ERP27: variants seen among roughly 807,000 people sequenced by gnomAD.
ERP27 encodes the protein endoplasmic reticulum protein 27, also known as endoplasmic reticulum resident protein 27.
Under a neutral mutation model 27.7 loss-of-function variants are expected in ERP27, and 23 were observed. The observed-to-expected ratio is 0.83, with a 90% CI of 0.60 to 1.18. The LOEUF (loss-of-function observed/expected upper bound fraction) is 1.18, where lower values mean the gene tolerates loss of function less well. Ranked by LOEUF, ERP27 falls within the 50% of genes most tolerant of loss-of-function variation. ERP27 has a pLI of 0.00. For synonymous variants in ERP27, 159 were observed against 118.3 expected (o/e 1.34, Z -2.23); for missense variants, 363 against 327.9 (o/e 1.11, Z -0.83).
chr12:14,917,489 C>T (rs1047380465), intron 4 of ERP27, among the ~76,000 whole-genome samples, 186 bp from the exon 5 acceptor site: 1 of 122,150 alleles, frequency 8.2e-6, no homozygotes, highest in African/African-American at 3.1e-5. Context: ...TGTGTAGATC[C>T]TTCCTTCCCA....
At position 14,914,731 on chromosome 12, in the gene ERP27, G is replaced by C. The variant is rs374765657; in HGVS notation, c.*4C>G. ...ACTTGGCCATATGTAGTTCCAAGGA[G>C]AAGTCAGAGTTCCACCTTTGGAGTC... On this transcript the variant is annotated 3_prime_UTR_variant, in exon 7 of 7. Coordinates refer to ENST00000266397, the MANE Select transcript of ERP27 (RefSeq NM_152321.4). 79 of 1,612,788 alleles carry C rather than the reference G, an allele frequency of 4.9e-5. No homozygotes were observed. The highest frequency in any genetic ancestry group is 6.2e-5 in the Non-Finnish European group (73 of 1,179,440).
Position 14,915,573 on chromosome 12 carries a change from G to C in ERP27, c.690C>G (p.Asp230Glu). ...CTGCTGTGGGCAGTGTATCCCACTC[G>C]TCATCTAGAGTCTGGTAAATTGCCA... Reference protein sequence around the residue: ...PALAIYQTLDDEWDTLPTAEV... With the variant: ...PALAIYQTLDEEWDTLPTAEV... Residue 230 changes from aspartate (D) to glutamate (E), a missense_variant, in exon 6 of 7, where the codon GAC becomes GAG. Transcript: ENST00000266397. 1 of 1,614,180 alleles carries C rather than the reference G, an allele frequency of 6.2e-7. No homozygotes were observed. The highest frequency in any genetic ancestry group is 8.5e-7 in the Non-Finnish European group (1 of 1,180,032).
At chr12:14,920,364 T>C (rs1396444293) in intron 4 of ERP27, among the ~76,000 whole-genome samples, 1 of 152,216 alleles carries the variant, frequency 6.6e-6, no homozygotes, top group Non-Finnish European at 1.5e-5. Context: ...TGTTTGTTAC[T>C]GGTCTGCAAG....
At chr12:14,938,111 A>C in intron 1 of ERP27, 59 bp from the exon 2 acceptor site, 5 of 1,379,628 alleles carry the variant, frequency 3.6e-6, no homozygotes, top group Non-Finnish European at 5.2e-6. Context: ...GCTCTAAATA[A>C]TGAGGGCATC....
intron 3 of ERP27, among the ~76,000 whole-genome samples, chr12:14,923,551 C>A (rs1250183877): frequency 6.7e-6 from 1 of 149,786 alleles, no homozygotes; most frequent in Non-Finnish European, 1.5e-5. Context: ...TACCTATCTC[C>A]TGTTGGTTCT....
At chr12:14,931,110 A>G (rs2120610076) in intron 3 of ERP27, among the ~76,000 whole-genome samples, 1 of 152,250 alleles carries the variant, frequency 6.6e-6, no homozygotes, top group East Asian at 1.9e-4. Flanking sequence ...GACATCTGTT[A>G]CTTCACAGTT....
In ERP27 at chr12:14,914,578, G is replaced by GTGCA. The variant is rs1555097431; in HGVS notation, c.*156_*157insTGCA. On this transcript the variant is annotated 3_prime_UTR_variant, in exon 7 of 7. Transcript: ENST00000266397. ...AAGCTCTGTGTGTGTGTGTGTGTGT[G>GTGCA]CGTGTGTGTGTGCACGCGTGCGTGC... 2.1e-5 allele frequency: 10 copies of GTGCA among 468,036 alleles called. No individual in the cohort carries two copies. Among genetic ancestry groups the GTGCA allele is most frequent in the East Asian group, 3.2e-5 (1 of 30,790 alleles). The allele number at this position is 468,036 out of a possible 1,614,324, so 29.0% of individuals were successfully genotyped here.
At chr12:14,937,024 G>C (rs1357316101) in intron 2 of ERP27, among the ~76,000 whole-genome samples, 1 of 152,156 alleles carries the variant, frequency 6.6e-6, no homozygotes, top group Non-Finnish European at 1.5e-5. Flanking sequence ...GGAATTGCTG[G>C]AGGATAAAAT....
At chr12:14,917,142 T>A in intron 5 of ERP27, 36 bp downstream of exon 5, 1 of 1,613,030 alleles carries the variant, frequency 6.2e-7, no homozygotes. Flanking sequence ...GTCCTGGAGG[T>A]GTGTATGCAA....
intron 3 of ERP27, among the ~76,000 whole-genome samples, chr12:14,929,533 G>A (rs1863665638): frequency 1.3e-5 from 2 of 152,052 alleles, no homozygotes; most frequent in South Asian, 4.1e-4. Context: ...CTTTTAAAAT[G>A]TCTTTTTTCA....
chr12:14,929,718 CCAAT>C (rs1565452822), intron 3 of ERP27, among the ~76,000 whole-genome samples: 1 of 152,050 alleles, frequency 6.6e-6, no homozygotes, highest in Non-Finnish European at 1.5e-5. Context: ...CTACATCATA[CCAAT>C]CACTCATTTT....
At chr12:14,928,812 G>A in intron 3 of ERP27, 1 of 830,160 alleles carries the variant, frequency 1.2e-6, no homozygotes, top group Admixed American at 2.3e-5. Context: ...GTCTTAGGTA[G>A]ATCCTTGCCC....
At position 14,938,068 on chromosome 12, in the gene ERP27, G is replaced by A; in HGVS notation, c.95-16C>T. On this transcript the variant is annotated splice_polypyrimidine_tract_variant and intron_variant, in intron 1 of 6. Transcript: ENST00000266397. ...CCAGGACCATCTAGAGAGAGAAGCA[G>A]AAGATGTCAGGGTACTGAGGCAAGA... is the stretch of plus-strand genomic sequence containing the variant. The A allele has an allele frequency of 6.2e-7, 1 of 1,604,128 alleles. No individual in the cohort carries two copies. Among genetic ancestry groups the A allele is most frequent in the South Asian group, 1.1e-5 (1 of 90,882 alleles).
At chr12:14,920,831 C>T (rs1033337197) in intron 4 of ERP27, 101 bp downstream of exon 4, 23 of 842,442 alleles carry the variant, frequency 2.7e-5, no homozygotes, top group African/African-American at 1.4e-4. Context: ...TTGTATTGGT[C>T]GAAGAATTGG....
chr12:14,933,049 G>T (rs1457956076), intron 3 of ERP27, among the ~76,000 whole-genome samples: 2 of 152,178 alleles, frequency 1.3e-5, no homozygotes, highest in African/African-American at 4.8e-5. Flanking sequence ...ATATGCAAAA[G>T]AATTGTACTT....
chr12:14,928,901 A>G (rs1168264602), intron 3 of ERP27: 3 of 1,522,852 alleles, frequency 2.0e-6, no homozygotes, highest in Non-Finnish European at 2.6e-6. Flanking sequence ...CACACAAAAA[A>G]ATAATATTTG....
At chr12:14,929,432 A>T (rs1358139443) in intron 3 of ERP27, among the ~76,000 whole-genome samples, 1 of 152,232 alleles carries the variant, frequency 6.6e-6, no homozygotes, top group Non-Finnish European at 1.5e-5. Flanking sequence ...TGGAAGCAAC[A>T]TTTGAACAGG....
At position 14,930,732 on chromosome 12, in the gene ERP27, C is replaced by T. The variant is rs147484648; in HGVS notation, c.333+4124G>A. The stretch of plus-strand genomic sequence containing the variant: ...GTTGCATAAATACAGCACTGGCTGG[C>T]CTTTTATTGCTCCAACATTTCAAGC... On this transcript the variant is annotated intron_variant, in intron 3 of 6. Transcript: ENST00000266397. Among the ~76,000 whole-genome samples, 17 of 152,204 alleles carry T rather than the reference C, an allele frequency of 1.1e-4. No individual in the cohort carries two copies. The East Asian group carries it at 2.5e-3, about 22-fold the overall frequency.
chr12:14,929,145 C>T (rs919418768), intron 3 of ERP27: 48 of 1,421,518 alleles, frequency 3.4e-5, no homozygotes, highest in Middle Eastern at 2.4e-4. Flanking sequence ...GAATCCCCCC[C>T]TCCCTGTACT....
Sources: allele counts gnomAD v4.1 joint callset (sites outside exome capture counted in the v4.1 genomes callset), GRCh38; gene constraint gnomAD v4.1.1; transcripts MANE v1.5; gene names NCBI Gene and HGNC (gene_info 2026-07-23, HGNC 2026-07-21).